The following DOCK4 variants were observed in gnomAD, a reference collection of about 807,000 sequenced individuals.
DOCK4 encodes dedicator of cytokinesis 4.
A neutral mutation model predicts 268.1 loss-of-function variants in DOCK4; 97 were observed. The ratio of observed to expected loss-of-function variants is 0.36; its 90% CI spans 0.31 to 0.43. The LOEUF is 0.43. DOCK4 is among the 20% of genes least tolerant of loss of function. The pLI is 1.00. For missense variants in DOCK4, 2,145 were observed against 2,455.7 expected, an observed-to-expected ratio of 0.87 and a Z score of 2.67; for synonymous variants, 954 against 887.2, an observed-to-expected ratio of 1.08 and a Z score of -1.34.
intron 1 of DOCK4, among the ~76,000 whole-genome samples, chr7:112,172,688 C>A (rs1250445004): frequency 1.3e-5 from 2 of 152,084 alleles, no homozygotes; most frequent in Non-Finnish European, 2.9e-5. Context: ...TATGGAAAAA[C>A]CATAATGCCA....
intron 8 of DOCK4, among the ~76,000 whole-genome samples, chr7:111,968,892 G>A (rs1274485975): frequency 4.7e-4 from 35 of 73,696 alleles, no homozygotes; most frequent in Non-Finnish European, 8.0e-4. Context: ...AAAAAATGAT[G>A]AGTTCATATC....
At chr7:111,772,950 G>A (rs1253100337) in intron 36 of DOCK4, among the ~76,000 whole-genome samples, 1 of 152,198 alleles carries the variant, frequency 6.6e-6, no homozygotes, top group African/African-American at 2.4e-5. Context: ...GGGAAAAGAA[G>A]GCACTGGCAG....
intron 1 of DOCK4, among the ~76,000 whole-genome samples, chr7:112,161,346 T>C (rs1205358715): frequency 6.6e-6 from 1 of 152,144 alleles, no homozygotes; most frequent in Non-Finnish European, 1.5e-5. Flanking sequence ...CTGTACCAGG[T>C]AACCTGGATG....
At chr7:111,888,735 C>T (rs577985749) in intron 16 of DOCK4, among the ~76,000 whole-genome samples, 1 of 152,160 alleles carries the variant, frequency 6.6e-6, no homozygotes, top group African/African-American at 2.4e-5. Flanking sequence ...ATCTTCCCCC[C>T]TCTTCCTCAC....
At chr7:112,142,435 A>G (rs1378272897) in intron 1 of DOCK4, among the ~76,000 whole-genome samples, 6 of 152,210 alleles carry the variant, frequency 3.9e-5, no homozygotes, top group Non-Finnish European at 8.8e-5. Context: ...AGAAGAGCCA[A>G]GAATTCAACT....
chr7:112,093,892 A>C (rs1195629518), intron 1 of DOCK4, among the ~76,000 whole-genome samples: 5 of 147,598 alleles, frequency 3.4e-5, no homozygotes, highest in South Asian at 2.1e-4. Context: ...AAAAAAAAAA[A>C]CAGAAAAAGC....
At position 112,182,779 on chromosome 7, in the gene DOCK4, G is replaced by C. The variant is rs545468915; in HGVS notation, c.37+23323C>G. 7.6e-4 allele frequency among the ~76,000 whole-genome samples: 116 copies of C among 152,368 alleles called. 1 individual carries two copies. The highest frequency in any genetic ancestry group is 2.7e-3 in the African/African-American group (112 of 41,586). The stretch of plus-strand genomic sequence containing the variant: ...ATGAAAGCACACGGCTAGGTGTGCA[G>C]GCATGTGCCTCACTATCAAGACCTA... On this transcript the variant is annotated intron_variant, in intron 1 of 52. Transcript: ENST00000428084.
chr7:112,120,011 C>T (rs1438080682), intron 1 of DOCK4, among the ~76,000 whole-genome samples: 2 of 152,046 alleles, frequency 1.3e-5, no homozygotes, highest in Admixed American at 1.3e-4. Flanking sequence ...CCACAACAGG[C>T]TAATCTTTTG....
chr7:112,156,870 C>T (rs1023493376), intron 1 of DOCK4, among the ~76,000 whole-genome samples: 1 of 151,864 alleles, frequency 6.6e-6, no homozygotes, highest in African/African-American at 2.4e-5. Flanking sequence ...CAAATTAATT[C>T]AATAAAATAT....
At chr7:111,854,747 T>C (rs996321266) in intron 23 of DOCK4, among the ~76,000 whole-genome samples, 1 of 152,218 alleles carries the variant, frequency 6.6e-6, no homozygotes, top group Non-Finnish European at 1.5e-5. Context: ...CTAGTGTTCA[T>C]GAAACATCTA....
intron 42 of DOCK4, among the ~76,000 whole-genome samples, chr7:111,754,762 G>A (rs1311900820): frequency 6.6e-6 from 1 of 152,196 alleles, no homozygotes; most frequent in Non-Finnish European, 1.5e-5. Context: ...CACAACTGGG[G>A]CCTGGAGCTG....
Position 111,834,573 on chromosome 7 carries a change from T to TA in DOCK4, c.2835+14dup. 6.6e-7 allele frequency: 1 copy of TA among 1,515,688 alleles called. No individual in the cohort carries two copies. The highest frequency in any genetic ancestry group is 8.9e-7 in the Non-Finnish European group (1 of 1,125,468). 93.9% of individuals were successfully genotyped at this position (1,515,688 alleles called of 1,614,324 possible). A position where few individuals can be genotyped will look rare whatever the true frequency, so the allele number is the denominator to read the frequency against. The stretch of plus-strand genomic sequence containing the variant: ...AAAAGATATGTTAAAGAAAACATTT[T>TA]AAAATGTCACTTACCCTTAGTTCTT... On this transcript the variant is annotated intron_variant, in intron 26 of 52. Transcript: ENST00000428084.
At chr7:111,886,970 C>T (rs1343289635) in intron 16 of DOCK4, among the ~76,000 whole-genome samples, 2 of 152,070 alleles carry the variant, frequency 1.3e-5, no homozygotes, top group Non-Finnish European at 2.9e-5. Flanking sequence ...CATATTGAGG[C>T]AACTATACAT....
chr7:111,745,488 C>T (rs1796197239), intron 44 of DOCK4, among the ~76,000 whole-genome samples: 1 of 151,778 alleles, frequency 6.6e-6, no homozygotes, highest in Admixed American at 6.6e-5. Context: ...CGAGACCATC[C>T]TGGCTAACAC....
intron 7 of DOCK4, among the ~76,000 whole-genome samples, chr7:111,981,396 A>G (rs73430822): frequency 0.022 from 3,276 of 152,316 alleles, 97 homozygotes; most frequent in African/African-American, 0.074. Flanking sequence ...CTTGAAAAAG[A>G]AACTGCCTTA....
At chr7:112,151,761 T>C (rs1434734504) in intron 1 of DOCK4, among the ~76,000 whole-genome samples, 1 of 119,286 alleles carries the variant, frequency 8.4e-6, no homozygotes, top group Non-Finnish European at 1.9e-5. Flanking sequence ...AGTAGAGATG[T>C]GGAAAAAAAA....
chr7:112,036,885 T>C (rs1803837792), intron 1 of DOCK4, among the ~76,000 whole-genome samples: 1 of 152,132 alleles, frequency 6.6e-6, no homozygotes, highest in African/African-American at 2.4e-5. Context: ...GGTCTCATAC[T>C]CCTGACCTCA....
At chr7:111,833,106 A>G (rs1802968693) in intron 26 of DOCK4, among the ~76,000 whole-genome samples, 1 of 152,222 alleles carries the variant, frequency 6.6e-6, no homozygotes, top group African/African-American at 2.4e-5. Context: ...GTAAAACCTA[A>G]TGATTCTTTA....
At chr7:111,738,122 G>C (rs1345725381) in intron 49 of DOCK4, among the ~76,000 whole-genome samples, 1 of 152,130 alleles carries the variant, frequency 6.6e-6, no homozygotes, top group Admixed American at 6.5e-5. Flanking sequence ...TTAAAACTCA[G>C]GGCTACCCAT....
Sources: gnomAD v4.1 joint callset for allele counts (sites outside exome capture counted in the v4.1 genomes callset) on GRCh38, gnomAD v4.1.1 for gene constraint, MANE v1.5 for transcripts, NCBI Gene and HGNC (gene_info 2026-07-23, HGNC 2026-07-21) for gene names.